Variants in TMEM132D observed in about 807,000 individuals in gnomAD.
TMEM132D encodes mature OL transmembrane protein.
In TMEM132D, 21 loss-of-function variants were observed where a neutral mutation model predicts 62.3. The observed-to-expected ratio is 0.34, with a 90% CI of 0.24 to 0.49. The LOEUF is 0.49. Among genes scored for constraint, TMEM132D ranks in the 20% least tolerant of loss-of-function variants. The pLI is 0.99. For missense variants in TMEM132D, 1,346 were observed against 1,402.8 expected (o/e 0.96, Z 0.65); for synonymous variants, 621 against 575.6 (o/e 1.08, Z -1.13).
chr12:129,496,273 G>A (rs1566088185), intron 3 of TMEM132D, among the ~76,000 whole-genome samples: 1 of 152,196 alleles, frequency 6.6e-6, no homozygotes, highest in East Asian at 1.9e-4. Context: ...GAGTTTTCAG[G>A]TATATGTGCA....
chr12:129,835,223 C>G (rs529602040), intron 1 of TMEM132D, among the ~76,000 whole-genome samples: 1 of 152,262 alleles, frequency 6.6e-6, no homozygotes, highest in African/African-American at 2.4e-5. Context: ...GGGTTAATGA[C>G]AGTCTGTCCT....
intron 1 of TMEM132D, among the ~76,000 whole-genome samples, chr12:129,849,100 C>T (rs984173416): frequency 2.0e-5 from 3 of 152,278 alleles, no homozygotes; most frequent in Non-Finnish European, 2.9e-5. Flanking sequence ...TATGTGGTCA[C>T]GGACAGGAGT....
chr12:129,570,798 T>C (rs1385682857), intron 2 of TMEM132D, among the ~76,000 whole-genome samples: 2 of 152,242 alleles, frequency 1.3e-5, no homozygotes, highest in African/African-American at 4.8e-5. Flanking sequence ...GGCTGTAGCA[T>C]TCATATTATG....
At chr12:129,760,363 G>A (rs1472045030) in intron 1 of TMEM132D, among the ~76,000 whole-genome samples, 2 of 119,836 alleles carry the variant, frequency 1.7e-5, no homozygotes, top group African/African-American at 6.7e-5. Context: ...ATGGAGTCTC[G>A]CTCTTTTGCC....
chr12:129,570,251 G>C (rs1448073050), intron 2 of TMEM132D, among the ~76,000 whole-genome samples: 1 of 152,196 alleles, frequency 6.6e-6, no homozygotes, highest in African/African-American at 2.4e-5. Flanking sequence ...CAGTATCACG[G>C]TTGGTCAATT....
intron 3 of TMEM132D, among the ~76,000 whole-genome samples, chr12:129,426,636 G>A (rs532635749): frequency 6.6e-6 from 1 of 152,284 alleles, no homozygotes. Context: ...AGCGCTTATT[G>A]AGCATAAGGT....
chr12:129,578,023 G>A (rs899611803), intron 2 of TMEM132D, among the ~76,000 whole-genome samples: 1 of 152,164 alleles, frequency 6.6e-6, no homozygotes, highest in East Asian at 1.9e-4. Context: ...GAAGAAAAAG[G>A]CAGACGAAGG....
At position 129,074,130 on chromosome 12, in the gene TMEM132D, C is replaced by A. The variant is rs1224922850; in HGVS notation, c.3045G>T (p.Gln1015His). ...STNSQKSING[Q>H]LFKPLGPIII... is the part of the protein sequence containing the mutation. ...TGATGGGTCCCAAAGGTTTGAACAG[C>A]TGCCCATTGATGCTTTTTTGGGAGT... The change falls in exon 9 of 9, where the codon CAG becomes CAT. Residue 1015 changes from glutamine to histidine, a missense_variant. By Grantham distance (24) the Gln-to-His change is conservative (BLOSUM62 0). Coordinates refer to ENST00000422113, the MANE Select transcript of TMEM132D (RefSeq NM_133448.3). 2 of 1,613,992 alleles carry A rather than the reference C, an allele frequency of 1.2e-6. No individual in the cohort carries two copies. Among genetic ancestry groups the A allele is most frequent in the Non-Finnish European group, 1.7e-6 (2 of 1,180,010 alleles).
At chr12:129,252,367 T>C (rs1277810435) in intron 4 of TMEM132D, among the ~76,000 whole-genome samples, 1 of 151,878 alleles carries the variant, frequency 6.6e-6, no homozygotes, top group Non-Finnish European at 1.5e-5. Flanking sequence ...GGGTGTTGGA[T>C]AATAAAAGAG....
intron 1 of TMEM132D, among the ~76,000 whole-genome samples, chr12:129,895,708 A>G (rs1401102411): frequency 1.3e-5 from 2 of 152,146 alleles, no homozygotes; most frequent in Non-Finnish European, 2.9e-5. Flanking sequence ...ATATTCACGA[A>G]GTCAATCTAG....
At chr12:129,686,394 T>A (rs1179858531) in intron 2 of TMEM132D, among the ~76,000 whole-genome samples, 1 of 152,178 alleles carries the variant, frequency 6.6e-6, no homozygotes, top group African/African-American at 2.4e-5. Context: ...TCCCCTTTGC[T>A]CAGCACTTCT....
chr12:129,720,364 C>T (rs1868777729), intron 1 of TMEM132D, among the ~76,000 whole-genome samples: 1 of 152,198 alleles, frequency 6.6e-6, no homozygotes, highest in Admixed American at 6.5e-5. Context: ...TTTGCACTCA[C>T]TCACTTAAGG....
intron 2 of TMEM132D, among the ~76,000 whole-genome samples, chr12:129,558,531 G>A (rs79457891): frequency 6.6e-6 from 1 of 152,150 alleles, no homozygotes; most frequent in African/African-American, 2.4e-5. Flanking sequence ...TGCTGGGAAC[G>A]TGAGCAATCT....
In TMEM132D at chr12:129,700,151, A is replaced by C. The variant is rs757459264; in HGVS notation, c.627T>G (p.Val209=). The change falls in exon 2 of 9, where the codon GTT becomes GTG. Residue 209 remains valine (V), a synonymous_variant. Transcript: ENST00000422113. The stretch of plus-strand genomic sequence containing the variant: ...GGTCCACGGACTTCCTCCTCCCGGC[A>C]ACCACCGTGGGGGGGCTGAACCAGC... ...LSSWFSPPTV[V]AGRRKSVDQP... The C allele has an allele frequency of 5.0e-6, 8 of 1,612,780 alleles. No homozygotes were observed. Among genetic ancestry groups the C allele is most frequent in the African/African-American group, 2.7e-5 (2 of 74,812 alleles).
At chr12:129,568,742 G>A (rs1366446113) in intron 2 of TMEM132D, among the ~76,000 whole-genome samples, 1 of 152,084 alleles carries the variant, frequency 6.6e-6, no homozygotes, top group Non-Finnish European at 1.5e-5. Context: ...TATATTTAAT[G>A]GTATGTTTGA....
intron 2 of TMEM132D, among the ~76,000 whole-genome samples, chr12:129,665,622 T>A (rs2175340): frequency 0.76 from 115,641 of 152,028 alleles, 44,369 homozygotes; most frequent in East Asian, 0.84. Context: ...TCATCTGCAA[T>A]TGATTTCATA....
intron 3 of TMEM132D, among the ~76,000 whole-genome samples, chr12:129,482,105 A>C (rs535518602): frequency 6.6e-6 from 1 of 152,226 alleles, no homozygotes; most frequent in East Asian, 1.9e-4. Context: ...GGTCCCAGCC[A>C]TATGACTCTA....
intron 3 of TMEM132D, among the ~76,000 whole-genome samples, chr12:129,414,769 G>A (rs55685119): frequency 0.14 from 20,557 of 152,114 alleles, 1,548 homozygotes; most frequent in Non-Finnish European, 0.17. Flanking sequence ...TTTTACAACC[G>A]AAAATTTGCT....
intron 2 of TMEM132D, among the ~76,000 whole-genome samples, chr12:129,675,793 C>T (rs1180898551): frequency 2.0e-5 from 3 of 152,138 alleles, no homozygotes; most frequent in Admixed American, 6.5e-5. Flanking sequence ...CAGACACAAC[C>T]AGGAATTATC....
Sources: allele counts gnomAD v4.1 joint callset (sites outside exome capture counted in the v4.1 genomes callset), GRCh38; gene constraint gnomAD v4.1.1; transcripts MANE v1.5; gene names NCBI Gene and HGNC (gene_info 2026-07-23, HGNC 2026-07-21).